ZRANB3: variants seen among roughly 807,000 people sequenced by gnomAD.
ZRANB3 encodes the protein DNA annealing helicase and endonuclease ZRANB3.
In ZRANB3, 125 loss-of-function variants were observed where a neutral mutation model predicts 133.8. The observed-to-expected ratio is 0.93, with a 90% confidence interval of 0.81 to 1.08. The LOEUF is 1.08. Among genes scored for constraint, ZRANB3 ranks in the 50% least tolerant of loss-of-function variants. ZRANB3 has a pLI of 0.00. For missense variants in ZRANB3, 1,229 were observed against 1,275.5 expected (o/e 0.96, Z 0.56); for synonymous variants, 387 against 432.7 (o/e 0.89, Z 1.31).
At chr2:135,245,122 A>C (rs1443428064) in intron 12 of ZRANB3, among the ~76,000 whole-genome samples, 1 of 152,276 alleles carries the variant, frequency 6.6e-6, no homozygotes, top group Non-Finnish European at 1.5e-5. Context: ...GGCTAATGTT[A>C]TGATGGCTAA....
chr2:135,421,508 T>C (rs1182068732), intron 2 of ZRANB3, among the ~76,000 whole-genome samples: 1 of 152,204 alleles, frequency 6.6e-6, no homozygotes, highest in Non-Finnish European at 1.5e-5. Context: ...TTTCCCCCTT[T>C]TATAGTAGCA....
chr2:135,247,139 T>G (rs1695834808), intron 12 of ZRANB3, among the ~76,000 whole-genome samples: 1 of 152,174 alleles, frequency 6.6e-6, no homozygotes, highest in Admixed American at 6.5e-5. Flanking sequence ...TTCCTAAAAA[T>G]ATTAATAAAC....
intron 2 of ZRANB3, among the ~76,000 whole-genome samples, chr2:135,488,247 A>G (rs1692209589): frequency 6.6e-6 from 1 of 152,200 alleles, no homozygotes; most frequent in Non-Finnish European, 1.5e-5. Context: ...CAATTATAAT[A>G]GTAAACTCAA....
At chr2:135,391,315 G>T (rs1056116245) in intron 2 of ZRANB3, among the ~76,000 whole-genome samples, 4 of 152,294 alleles carry the variant, frequency 2.6e-5, no homozygotes, top group East Asian at 3.9e-4. Flanking sequence ...ATATGGCTAC[G>T]TGGGAGTGTT....
chr2:135,469,398 A>G (rs1167143488), intron 2 of ZRANB3, among the ~76,000 whole-genome samples: 1 of 152,226 alleles, frequency 6.6e-6, no homozygotes, highest in Admixed American at 6.5e-5. Flanking sequence ...CTTTAGTTAC[A>G]TGATCAAGTA....
intron 2 of ZRANB3, among the ~76,000 whole-genome samples, chr2:135,470,762 T>A (rs1030568540): frequency 2.0e-5 from 3 of 151,548 alleles, no homozygotes; most frequent in Admixed American, 1.3e-4. Flanking sequence ...AGCTTTTTCA[T>A]CCTACAGAAA....
intron 2 of ZRANB3, among the ~76,000 whole-genome samples, chr2:135,503,531 T>C (rs1693040729): frequency 6.6e-6 from 1 of 152,088 alleles, no homozygotes; most frequent in Non-Finnish European, 1.5e-5. Flanking sequence ...GAAAACCATA[T>C]AATGGCCCAA....
intron 8 of ZRANB3, among the ~76,000 whole-genome samples, chr2:135,312,320 C>A (rs978745324): frequency 1.3e-5 from 2 of 151,818 alleles, no homozygotes; most frequent in Admixed American, 6.6e-5. Flanking sequence ...TCCTCAGCCT[C>A]CCAAGTAACT....
At chr2:135,408,911 C>T (rs1688175071) in intron 2 of ZRANB3, among the ~76,000 whole-genome samples, 1 of 151,786 alleles carries the variant, frequency 6.6e-6, no homozygotes, top group South Asian at 2.1e-4. Flanking sequence ...GCCAACATGG[C>T]ACATGTATAC....
intron 2 of ZRANB3, among the ~76,000 whole-genome samples, chr2:135,492,527 T>C (rs569883510): frequency 6.6e-6 from 1 of 152,202 alleles, no homozygotes; most frequent in Non-Finnish European, 1.5e-5. Flanking sequence ...CCCAGTACTA[T>C]GGTGTTTTAG....
intron 3 of ZRANB3, among the ~76,000 whole-genome samples, chr2:135,384,922 G>A (rs1384470516): frequency 6.6e-6 from 1 of 152,144 alleles, no homozygotes; most frequent in Non-Finnish European, 1.5e-5. Flanking sequence ...CATTCCCTTT[G>A]AAAGCTGGCA....
intron 6 of ZRANB3, chr2:135,345,166 C>T (rs549305200): frequency 6.5e-6 from 1 of 154,238 alleles, no homozygotes; most frequent in South Asian, 2.0e-4. Context: ...ATAGGTCATC[C>T]ACCTATATGT....
In ZRANB3 at chr2:135,224,478, G is replaced by A; in HGVS notation, c.2198C>T (p.Thr733Ile). Residue 733 changes from threonine to isoleucine, a missense_variant, in exon 15 of 21, where the codon ACC (threonine) becomes ATC (isoleucine). Physicochemically the swap from Thr to Ile is moderately conservative, Grantham distance 89. Coordinates refer to ENST00000264159, the MANE Select transcript of ZRANB3 (RefSeq NM_032143.4). ...ATTCCTACTTGCACAGAACATTAAG[G>A]TGTCATACACTGGCAAAGTGTCTGA... ...KSSDTLPVYD[T>I]LMFCASRNTD... is the part of the protein sequence containing the mutation. 1 of 1,613,334 alleles carries A rather than the reference G, an allele frequency of 6.2e-7. No individual in the cohort carries two copies. Among genetic ancestry groups the A allele is most frequent in the Non-Finnish European group, 8.5e-7 (1 of 1,179,552 alleles).
intron 6 of ZRANB3, among the ~76,000 whole-genome samples, chr2:135,326,898 C>CAAAAAA (rs56683794): frequency 1.7e-3 from 104 of 61,286 alleles, no homozygotes; most frequent in Middle Eastern, 7.7e-3. Flanking sequence ...GACTCCATCT[C>CAAAAAA]AAAAAAAAAA....
rs57200280 is a variant in ZRANB3 at position 135,288,873 on chromosome 2, C to CGTGTGTGTGTGT, written c.967-13130_967-13119dup. Among the ~76,000 whole-genome samples the CGTGTGTGTGTGT allele has an allele frequency of 6.4e-3, 906 of 141,372 alleles. 11 individuals carry two copies. The highest frequency in any genetic ancestry group is 0.022 in the African/African-American group (848 of 38,534). The allele number at this position is 141,372 out of a possible 152,430, so 92.7% of individuals were successfully genotyped here. A position where few individuals can be genotyped will look rare whatever the true frequency, so the allele number is the denominator to read the frequency against. On this transcript the variant is annotated intron_variant, in intron 8 of 20. Transcript: ENST00000264159. ...AAGAACTTGTTTCTGCTTCATTTATCGTGTGTGTGTGTGTGTGTGTGTGTG... is the reference window on the plus strand; with the variant it reads ...AAGAACTTGTTTCTGCTTCATTTATCGTGTGTGTGTGTGTGTGTGTGTGTGTGTGTGTGTGTG...
At chr2:135,305,690 T>A (rs895826546) in intron 8 of ZRANB3, among the ~76,000 whole-genome samples, 6 of 152,358 alleles carry the variant, frequency 3.9e-5, no homozygotes, top group African/African-American at 1.4e-4. Context: ...TGTACTTTCA[T>A]GTGTTTTCAT....
At chr2:135,440,592 A>C (rs1689738397) in intron 2 of ZRANB3, among the ~76,000 whole-genome samples, 1 of 152,168 alleles carries the variant, frequency 6.6e-6, no homozygotes, top group East Asian at 1.9e-4. Context: ...GACAGCAAGC[A>C]AAGAAACAGG....
intron 2 of ZRANB3, among the ~76,000 whole-genome samples, chr2:135,446,797 T>C (rs1397487862): frequency 6.6e-6 from 1 of 152,218 alleles, no homozygotes; most frequent in Non-Finnish European, 1.5e-5. Context: ...TTGTAGGTCC[T>C]GGTAGTGTTT....
At chr2:135,425,081 T>C (rs1208057866) in intron 2 of ZRANB3, among the ~76,000 whole-genome samples, 2 of 152,180 alleles carry the variant, frequency 1.3e-5, no homozygotes, top group African/African-American at 4.8e-5. Context: ...AAAAAATTTA[T>C]AGGCCAGGAT....
Sources: allele counts gnomAD v4.1 joint callset (sites outside exome capture counted in the v4.1 genomes callset), GRCh38; gene constraint gnomAD v4.1.1; transcripts MANE v1.5; gene names NCBI Gene and HGNC (gene_info 2026-07-23, HGNC 2026-07-21).